ALMS1: variants seen among roughly 807,000 people sequenced by gnomAD.
The protein encoded by ALMS1 is centrosome-associated protein ALMS1.
Under a neutral mutation model 352.2 loss-of-function variants are expected in ALMS1, and 271 were observed. The observed-to-expected ratio is 0.77, with a 90% CI of 0.70 to 0.85. The LOEUF is 0.85. Among genes scored for constraint, ALMS1 ranks in the 40% least tolerant of loss-of-function variants. The pLI is 0.00. For synonymous variants in ALMS1, 1,865 were observed against 1,761.2 expected (o/e 1.06, Z -1.48); for missense variants, 5,445 against 4,870.7 (o/e 1.12, Z -3.51).
chr2:73,527,844 T>G (rs561476235), intron 11 of ALMS1, among the ~76,000 whole-genome samples: 1 of 152,116 alleles, frequency 6.6e-6, no homozygotes, highest in Non-Finnish European at 1.5e-5. Flanking sequence ...GTTAGGTTGT[T>G]TATTTGAAGT....
Position 73,450,095 on chromosome 2 carries a change from A to G in ALMS1, c.3568A>G (p.Thr1190Ala), listed in dbSNP as rs772287164. ...QKTWIPRVLS[T>A]FYSQREKPGI... is the part of the protein sequence containing the mutation. ...GACTTGGATACCAAGAGTACTTTCT[A>G]CCTTCTACTCACAAAGAGAGAAACC... is the stretch of plus-strand genomic sequence containing the variant. Residue 1190 changes from threonine to alanine, a missense_variant, in exon 8 of 23, where the codon ACC becomes GCC. Coordinates refer to ENST00000613296, the MANE Select transcript of ALMS1 (RefSeq NM_001378454.1). 81 of 1,613,864 alleles carry G rather than the reference A, an allele frequency of 5.0e-5. No homozygotes were observed. The highest frequency in any genetic ancestry group is 6.5e-5 in the Non-Finnish European group (77 of 1,179,954).
chr2:73,515,305 ATTTCCC>A (rs1673532491), intron 10 of ALMS1, among the ~76,000 whole-genome samples: 1 of 151,794 alleles, frequency 6.6e-6, no homozygotes, highest in South Asian at 2.1e-4. Flanking sequence ...TATTTTATCT[ATTTCCC>A]TTTATCTTTT....
At position 73,450,470 on chromosome 2, in the gene ALMS1, G is replaced by A. The variant is rs767674197; in HGVS notation, c.3943G>A (p.Ala1315Thr). ...HLTEEAKNVSAVPGPADQKTV... is the reference protein window; with the variant it reads ...HLTEEAKNVSTVPGPADQKTV... Reference sequence around the variant, plus strand: ...AACTGAAGAGGCTAAGAATGTTTCAGCGGTTCCTGGACCAGCTGACCAGAA... The same window carrying A: ...AACTGAAGAGGCTAAGAATGTTTCAACGGTTCCTGGACCAGCTGACCAGAA... The change falls in exon 8 of 23, where the codon GCG (alanine) becomes ACG (threonine). Residue 1315 changes from alanine (A) to threonine (T), a missense_variant. Physicochemically the swap from Ala to Thr is moderately conservative, Grantham distance 58 (BLOSUM62 0). Coordinates refer to ENST00000613296, the MANE Select transcript of ALMS1 (RefSeq NM_001378454.1). 5 of 1,611,212 alleles carry A rather than the reference G, an allele frequency of 3.1e-6. No individual in the cohort carries two copies. Among genetic ancestry groups the A allele is most frequent in the Non-Finnish European group, 4.2e-6 (5 of 1,179,212 alleles).
At chr2:73,461,467 A>T (rs536409367) in intron 9 of ALMS1, among the ~76,000 whole-genome samples, 17 of 152,360 alleles carry the variant, frequency 1.1e-4, no homozygotes, top group African/African-American at 3.8e-4. Context: ...CGTCACCATC[A>T]TCAAAGACCA....
At chr2:73,402,346 T>A (rs1300801046) in intron 1 of ALMS1, among the ~76,000 whole-genome samples, 1 of 142,878 alleles carries the variant, frequency 7.0e-6, no homozygotes, top group Admixed American at 7.1e-5. Context: ...TGTTCTCAAC[T>A]CACTGCAACC....
rs754172149 is a variant in ALMS1, at chr2:73,451,227, C to A, written c.4700C>A (p.Thr1567Asn). 11 of 1,612,762 alleles carry A rather than the reference C, an allele frequency of 6.8e-6. 1 individual carries two copies. Among genetic ancestry groups the A allele is most frequent in the Admixed American group, 5.0e-5 (3 of 59,864 alleles). The change falls in exon 8 of 23, where the codon ACC (threonine) becomes AAC (asparagine). Residue 1567 changes from threonine (T) to asparagine (N), a missense_variant. Thr to Asn is a moderately conservative substitution (Grantham distance 65). Coordinates refer to ENST00000613296, the MANE Select transcript of ALMS1 (RefSeq NM_001378454.1). ...ADQTTGIPTI[T>N]STSYSFGEKP... ...CAGACAACTGGCATACCAACCATAACCTCTACTTCCTACTCATTTGGAGAG... is the reference window on the plus strand; with the variant it reads ...CAGACAACTGGCATACCAACCATAAACTCTACTTCCTACTCATTTGGAGAG...
In ALMS1 at chr2:73,468,788, A is replaced by G. The variant is rs372728187; in HGVS notation, c.7674+13493A>G. Among the ~76,000 whole-genome samples the G allele has an allele frequency of 8.5e-5, 13 of 152,138 alleles. No individual in the cohort carries two copies. The East Asian group carries it at 1.9e-3, about 23-fold the overall frequency. On this transcript the variant is annotated intron_variant, in intron 9 of 22. Transcript: ENST00000613296. ...CAATCTCTATTGATTAAATTTATTT[A>G]CTTTTAAAGTAATTAACAATAAGGA...
chr2:73,604,649 A>G (rs1358364736), intron 21 of ALMS1, among the ~76,000 whole-genome samples: 2 of 152,182 alleles, frequency 1.3e-5, no homozygotes, highest in Non-Finnish European at 2.9e-5. Flanking sequence ...AGGCAATCCA[A>G]AGGGATGCTT....
chr2:73,491,570 A>T, intron 10 of ALMS1, 72 bp downstream of exon 10: 1 of 1,524,772 alleles, frequency 6.6e-7, no homozygotes, highest in South Asian at 1.1e-5. Context: ...TTAAGTAGAT[A>T]TCGGTTCTTG....
At chr2:73,561,066 T>TA (rs1674651649) in intron 15 of ALMS1, among the ~76,000 whole-genome samples, 1 of 152,222 alleles carries the variant, frequency 6.6e-6, no homozygotes, top group Non-Finnish European at 1.5e-5. Flanking sequence ...CAAAGACAGT[T>TA]AATCAAATTG....
chr2:73,486,785 A>G (rs1196123613), intron 9 of ALMS1, among the ~76,000 whole-genome samples: 1 of 152,208 alleles, frequency 6.6e-6, no homozygotes, highest in East Asian at 1.9e-4. Context: ...GCAGTGGCTC[A>G]TGCCTGTAAT....
intron 2 of ALMS1, among the ~76,000 whole-genome samples, chr2:73,409,055 T>G (rs1268487050): frequency 1.3e-5 from 2 of 151,664 alleles, no homozygotes; most frequent in African/African-American, 4.8e-5. Flanking sequence ...TTTAAAAAAT[T>G]TTTTATAGAT....
intron 9 of ALMS1, among the ~76,000 whole-genome samples, chr2:73,485,759 C>T (rs1426683793): frequency 6.6e-6 from 1 of 152,134 alleles, no homozygotes; most frequent in Admixed American, 6.5e-5. Context: ...GAGCCAGGTG[C>T]GGGGTATAAT....
At chr2:73,471,427 G>T (rs1262972933) in intron 9 of ALMS1, among the ~76,000 whole-genome samples, 1 of 140,212 alleles carries the variant, frequency 7.1e-6, no homozygotes, top group African/African-American at 2.7e-5. Flanking sequence ...GAAAATATTT[G>T]CAAACCATGT....
chr2:73,580,764 A>G (rs986162452), intron 16 of ALMS1, among the ~76,000 whole-genome samples: 2 of 152,196 alleles, frequency 1.3e-5, no homozygotes, highest in Non-Finnish European at 2.9e-5. Context: ...TGGTTTATTT[A>G]GTGACTTTTC....
intron 13 of ALMS1, among the ~76,000 whole-genome samples, chr2:73,555,872 T>TG (rs1674530475): frequency 6.6e-6 from 1 of 152,072 alleles, no homozygotes; most frequent in Admixed American, 6.6e-5. Context: ...TAATATTGAG[T>TG]GAAAAAGTCA....
chr2:73,410,348 C>T (rs1409866342), intron 2 of ALMS1, among the ~76,000 whole-genome samples: 3 of 152,046 alleles, frequency 2.0e-5, no homozygotes, highest in African/African-American at 4.8e-5. Flanking sequence ...GAGGTTGCGC[C>T]ACTGCACTCC....
rs1271418277 is a variant in ALMS1, at chr2:73,448,178, A to T, written c.1651A>T (p.Thr551Ser). 6 of 1,613,832 alleles carry T rather than the reference A, an allele frequency of 3.7e-6. No homozygotes were observed. The African/African-American group carries it at 5.3e-5, about 14-fold the overall frequency. The stretch of plus-strand genomic sequence containing the variant: ...AGCAGATACTCATCTAACTGAAGAG[A>T]CTCTGAAAGTCACAGCTATTCCTGA... The part of the protein sequence containing the change: ...TLADTHLTEE[T>S]LKVTAIPEPA... The change falls in exon 8 of 23, where the codon ACT becomes TCT. Residue 551 changes from threonine to serine, a missense_variant. Physicochemically the swap from Thr to Ser is moderately conservative, Grantham distance 58 (BLOSUM62 1). Transcript: ENST00000613296.
At chr2:73,440,518 G>T (rs1471793464) in intron 7 of ALMS1, among the ~76,000 whole-genome samples, 1 of 151,854 alleles carries the variant, frequency 6.6e-6, no homozygotes, top group Non-Finnish European at 1.5e-5. Flanking sequence ...CTGCTTCCGG[G>T]GTTCAGGCAA....
Sources: gnomAD v4.1 joint callset for allele counts (sites outside exome capture counted in the v4.1 genomes callset) on GRCh38, gnomAD v4.1.1 for gene constraint, MANE v1.5 for transcripts, NCBI Gene and HGNC (gene_info 2026-07-23, HGNC 2026-07-21) for gene names.